The following INTS9 variants were observed in gnomAD, a reference collection of about 807,000 sequenced individuals.
INTS9 encodes the protein protein related to CPSF subunits of 74 kDa.
INTS9 carries 55 observed loss-of-function variants against 79.7 expected under a neutral mutation model. The observed-to-expected ratio is 0.69, with a 90% CI of 0.56 to 0.86. The LOEUF (loss-of-function observed/expected upper bound fraction) is 0.86, where lower values mean the gene tolerates loss of function less well. Ranked by LOEUF, INTS9 falls within the 40% of genes least tolerant of loss-of-function variation. The probability of loss-of-function intolerance (pLI) is 0.00; values close to 1 mark genes in which losing one functional copy is unlikely to be tolerated. For synonymous variants in INTS9, 319 were observed against 325.2 expected (o/e 0.98, Z 0.20); for missense variants, 721 against 831.5 (o/e 0.87, Z 1.64).
chr8:28,820,006 T>C (rs1441530060), intron 6 of INTS9, among the ~76,000 whole-genome samples: 3 of 152,322 alleles, frequency 2.0e-5, no homozygotes, highest in Middle Eastern at 3.4e-3. Flanking sequence ...ATTTGCTTGG[T>C]AGATCTTCCT....
chr8:28,771,437 CTGA>C (rs1388685771), intron 14 of INTS9, among the ~76,000 whole-genome samples: 1 of 152,170 alleles, frequency 6.6e-6, no homozygotes, highest in Admixed American at 6.5e-5. Context: ...CCACCTGCAC[CTGA>C]TGGGTGCCCT....
chr8:28,868,448 CTG>C (rs1250170520), intron 1 of INTS9, among the ~76,000 whole-genome samples: 5 of 152,076 alleles, frequency 3.3e-5, no homozygotes, highest in South Asian at 2.1e-4. Flanking sequence ...CATAAAGAAA[CTG>C]TTTTTTTTTT....
chr8:28,865,186 G>A (rs1027192754), intron 1 of INTS9, among the ~76,000 whole-genome samples: 6 of 151,942 alleles, frequency 3.9e-5, no homozygotes, highest in African/African-American at 1.4e-4. Context: ...TTTGGGAACT[G>A]GGGACTGAGA....
chr8:28,842,011 C>T (rs1807213798), intron 4 of INTS9, among the ~76,000 whole-genome samples: 1 of 152,010 alleles, frequency 6.6e-6, no homozygotes, highest in African/African-American at 2.4e-5. Flanking sequence ...TCACTTCAGC[C>T]CAGGAGGTCG....
At chr8:28,780,057 T>TG (rs1373010694) in intron 12 of INTS9, among the ~76,000 whole-genome samples, 5 of 151,160 alleles carry the variant, frequency 3.3e-5, no homozygotes, top group Non-Finnish European at 7.4e-5. Context: ...ATCAAGGTTT[T>TG]TTTTTTTTTT....
chr8:28,869,986 C>T (rs549258845), intron 1 of INTS9, among the ~76,000 whole-genome samples: 12 of 151,738 alleles, frequency 7.9e-5, no homozygotes, highest in African/African-American at 2.4e-4. Flanking sequence ...CCAAGAGAAG[C>T]GCAGGAAGGG....
intron 11 of INTS9, among the ~76,000 whole-genome samples, chr8:28,781,471 T>C (rs1429339842): frequency 6.6e-6 from 1 of 152,202 alleles, no homozygotes; most frequent in African/African-American, 2.4e-5. Context: ...CTTTGAAAGA[T>C]ATTTTGAAAA....
chr8:28,868,431 G>C (rs1424396973), intron 1 of INTS9, among the ~76,000 whole-genome samples: 1 of 152,070 alleles, frequency 6.6e-6, no homozygotes, highest in Non-Finnish European at 1.5e-5. Flanking sequence ...TGAGAGAACT[G>C]CACAGTCATA....
At chr8:28,868,166 A>C (rs1205789275) in intron 1 of INTS9, among the ~76,000 whole-genome samples, 1 of 152,238 alleles carries the variant, frequency 6.6e-6, no homozygotes, top group Admixed American at 6.5e-5. Flanking sequence ...AGATGAGTTT[A>C]TAATCTGGTT....
chr8:28,882,931 G>C (rs1359287689), intron 1 of INTS9, among the ~76,000 whole-genome samples: 1 of 152,182 alleles, frequency 6.6e-6, no homozygotes, highest in African/African-American at 2.4e-5. Flanking sequence ...TACTAGTCTT[G>C]ATCACTGAGC....
chr8:28,811,508 G>A (rs1805142586), intron 8 of INTS9, among the ~76,000 whole-genome samples: 1 of 149,784 alleles, frequency 6.7e-6, no homozygotes. Context: ...TGCAACCTCC[G>A]CTTCCCAGGC....
chr8:28,874,289 GTT>G (rs780879321), intron 1 of INTS9, among the ~76,000 whole-genome samples: 1 of 142,200 alleles, frequency 7.0e-6, no homozygotes. Context: ...TATTTAAACT[GTT>G]TTTTTTTTTT....
chr8:28,883,251 A>G (rs1809994295), intron 1 of INTS9, among the ~76,000 whole-genome samples: 1 of 152,192 alleles, frequency 6.6e-6, no homozygotes, highest in African/African-American at 2.4e-5. Context: ...AAGCAACACC[A>G]TAGATCTTTT....
intron 14 of INTS9, among the ~76,000 whole-genome samples, chr8:28,775,019 T>C (rs908189842): frequency 1.5e-4 from 23 of 152,220 alleles, no homozygotes; most frequent in Non-Finnish European, 3.4e-4. Flanking sequence ...CAAGAGGATA[T>C]AAATAACCAA....
intron 6 of INTS9, among the ~76,000 whole-genome samples, chr8:28,815,605 G>A (rs920602043): frequency 1.7e-4 from 26 of 152,080 alleles, no homozygotes; most frequent in Admixed American, 1.7e-3. Flanking sequence ...TCTGAAGTCT[G>A]AAACACTTTG....
At chr8:28,873,167 T>C (rs1380429025) in intron 1 of INTS9, among the ~76,000 whole-genome samples, 2 of 152,232 alleles carry the variant, frequency 1.3e-5, no homozygotes, top group African/African-American at 4.8e-5. Context: ...GTCAGATTGA[T>C]TTCTTTTGAA....
chr8:28,844,182 C>T (rs1183399419), intron 4 of INTS9, among the ~76,000 whole-genome samples: 1 of 151,352 alleles, frequency 6.6e-6, no homozygotes, highest in Non-Finnish European at 1.5e-5. Context: ...TGCTTGTTTA[C>T]GTTTCTTTTG....
chr8:28,814,272 G>T (rs1380997597), intron 6 of INTS9, among the ~76,000 whole-genome samples: 1 of 133,668 alleles, frequency 7.5e-6, no homozygotes. Context: ...AAACAACACT[G>T]AACAGGGCTT....
chr8:28,822,016 C>T (rs373348604), intron 6 of INTS9, among the ~76,000 whole-genome samples: 157 of 152,228 alleles, frequency 1.0e-3, no homozygotes, highest in African/African-American at 3.5e-3. Flanking sequence ...ATCTGCCCGC[C>T]GTGGCCTCCC....
Sources: allele counts gnomAD v4.1 joint callset (sites outside exome capture counted in the v4.1 genomes callset), GRCh38; gene constraint gnomAD v4.1.1; transcripts MANE v1.5; gene names NCBI Gene and HGNC (gene_info 2026-07-23, HGNC 2026-07-21).